Variants in CCDC68 observed in about 807,000 individuals in gnomAD.
The protein encoded by CCDC68 is coiled-coil domain containing 68, also known as coiled-coil domain-containing protein 68.
In CCDC68, 45 loss-of-function variants were observed where a neutral mutation model predicts 47.1. The ratio of observed to expected loss-of-function variants is 0.96; its 90% confidence interval spans 0.75 to 1.23. The LOEUF (loss-of-function observed/expected upper bound fraction) is 1.23, where lower values mean the gene tolerates loss of function less well. CCDC68 is among the 50% of genes most tolerant of loss of function. The pLI is 0.00. For missense variants in CCDC68, 353 were observed against 373.6 expected, an observed-to-expected ratio of 0.94 and a Z score of 0.45; for synonymous variants, 131 against 129.5, an observed-to-expected ratio of 1.01 and a Z score of -0.08.
At chr18:54,953,998 T>TCCCC (rs1568166815) in intron 1 of CCDC68, among the ~76,000 whole-genome samples, 1 of 9,704 alleles carries the variant, frequency 1.0e-4, no homozygotes, top group African/African-American at 3.8e-4. Context: ...CTCCCCTCCC[T>TCCCC]TCCCCTCCCC....
intron 1 of CCDC68, among the ~76,000 whole-genome samples, chr18:54,949,388 A>G (rs562196419): frequency 1.1e-4 from 17 of 152,280 alleles, no homozygotes; most frequent in African/African-American, 4.1e-4. Flanking sequence ...TTTTTGATCT[A>G]AACTTTTTGA....
chr18:54,953,549 T>TAG (rs879342365), intron 1 of CCDC68, among the ~76,000 whole-genome samples: 5,522 of 110,720 alleles, frequency 0.05, 133 homozygotes, highest in Middle Eastern at 0.14. Context: ...CATATATATA[T>TAG]ATAGAGAGAG....
At chr18:54,959,247 C>T (rs1248736862) in intron 1 of CCDC68, 89 bp downstream of exon 1, 1 of 152,344 alleles carries the variant, frequency 6.6e-6, no homozygotes, top group Admixed American at 6.5e-5. Context: ...GGGGAAGCCG[C>T]TGGAAAGGCA....
intron 10 of CCDC68, among the ~76,000 whole-genome samples, chr18:54,910,106 G>A (rs965297668): frequency 6.6e-6 from 1 of 152,210 alleles, no homozygotes; most frequent in African/African-American, 2.4e-5. Context: ...AAACCTGCAG[G>A]GGGCAGCTCC....
intron 3 of CCDC68, 141 bp downstream of exon 3, chr18:54,942,534 A>G (rs925762934): frequency 2.5e-5 from 14 of 563,100 alleles, no homozygotes; most frequent in Non-Finnish European, 4.1e-5. Context: ...TTTAAACTTC[A>G]GCTAGGAAGA....
At chr18:54,953,377 A>G (rs2044651308) in intron 1 of CCDC68, among the ~76,000 whole-genome samples, 1 of 152,222 alleles carries the variant, frequency 6.6e-6, no homozygotes, top group Admixed American at 6.5e-5. Flanking sequence ...AAAGCAATGC[A>G]CAACTGAGAT....
At chr18:54,939,532 A>G (rs1417735726) in intron 4 of CCDC68, among the ~76,000 whole-genome samples, 1 of 152,026 alleles carries the variant, frequency 6.6e-6, no homozygotes, top group Non-Finnish European at 1.5e-5. Context: ...CTAGATCACT[A>G]TGGTGAAATC....
intron 6 of CCDC68, among the ~76,000 whole-genome samples, chr18:54,936,167 A>G (rs1372910070): frequency 6.9e-6 from 1 of 145,284 alleles, no homozygotes; most frequent in African/African-American, 2.5e-5. Flanking sequence ...ATTATATTAG[A>G]TATTATAATT....
intron 8 of CCDC68, among the ~76,000 whole-genome samples, chr18:54,920,510 CAA>C (rs1390733996): frequency 5.9e-5 from 9 of 151,950 alleles, no homozygotes; most frequent in Admixed American, 5.9e-4. Flanking sequence ...ATGTGTATCA[CAA>C]AGATAGCAGA....
chr18:54,954,039 CCTTTCTTT>C (rs201481771), intron 1 of CCDC68, among the ~76,000 whole-genome samples: 4 of 108,348 alleles, frequency 3.7e-5, no homozygotes, highest in East Asian at 6.1e-4. Flanking sequence ...TTCCCTCCTT[CCTTTCTTT>C]CTTTCTTTCT....
At chr18:54,920,433 G>A (rs61115294) in intron 8 of CCDC68, among the ~76,000 whole-genome samples, 25,532 of 151,828 alleles carry the variant, frequency 0.17, 2,207 homozygotes, top group South Asian at 0.22. Flanking sequence ...TAGAGATGGA[G>A]TTTCACCATG....
chr18:54,934,971 G>C, intron 6 of CCDC68, 23 bp from the exon 7 acceptor site: 1 of 1,542,376 alleles, frequency 6.5e-7, no homozygotes, highest in Non-Finnish European at 8.7e-7. Flanking sequence ...AATCAGTTGT[G>C]TTGTGAAAAC....
intron 9 of CCDC68, 139 bp downstream of exon 9, chr18:54,919,130 CAT>C: frequency 1.5e-6 from 1 of 651,450 alleles, no homozygotes; most frequent in African/African-American, 1.8e-5. Flanking sequence ...AAAACAGAGA[CAT>C]ATTGCATGAG....
rs1006275797 is a variant in CCDC68 at position 54,904,419 on chromosome 18, T to A, written c.951-4A>T. On this transcript the variant is annotated splice_region_variant and splice_polypyrimidine_tract_variant and intron_variant, in intron 11 of 11. Transcript: ENST00000591504. ...AACACCTTCGGTCTTCAATTCACTGTAGAAAAGACAACACGATGATCAAAA... is the reference window on the plus strand; with the variant it reads ...AACACCTTCGGTCTTCAATTCACTGAAGAAAAGACAACACGATGATCAAAA... 2.5e-6 allele frequency: 4 copies of A among 1,611,604 alleles called. No homozygotes were observed. The highest frequency in any genetic ancestry group is 3.4e-6 in the Non-Finnish European group (4 of 1,177,882).
In CCDC68 at chr18:54,928,671, A is replaced by G. The variant is rs988937743; in HGVS notation, c.683+129T>C. On this transcript the variant is annotated intron_variant, in intron 8 of 11. Coordinates refer to ENST00000591504, the MANE Select transcript of CCDC68 (RefSeq NM_025214.3). ...CATGACTGTTAATCCCAAGAATTCAACCTTCCTCCTGCACTGTCAGTCATC... is the reference window on the plus strand; with the variant it reads ...CATGACTGTTAATCCCAAGAATTCAGCCTTCCTCCTGCACTGTCAGTCATC... 8 of 638,946 alleles carry G rather than the reference A, an allele frequency of 1.3e-5. 1 individual carries two copies. The highest frequency in any genetic ancestry group is 3.7e-5 in the African/African-American group (2 of 54,248). 39.6% of individuals were successfully genotyped at this position (638,946 alleles called of 1,614,324 possible).
intron 1 of CCDC68, among the ~76,000 whole-genome samples, chr18:54,953,498 T>C (rs1488486432): frequency 8.1e-6 from 1 of 123,714 alleles, no homozygotes; most frequent in African/African-American, 3.2e-5. Context: ...GTGTAAATGA[T>C]TATATATATA....
At chr18:54,935,336 T>C (rs1040751317) in intron 6 of CCDC68, among the ~76,000 whole-genome samples, 2 of 152,162 alleles carry the variant, frequency 1.3e-5, no homozygotes, top group African/African-American at 4.8e-5. Context: ...GAAAGTGTCA[T>C]AAAAGCAGAA....
intron 8 of CCDC68, among the ~76,000 whole-genome samples, chr18:54,928,108 G>T (rs1452689456): frequency 6.6e-6 from 1 of 152,152 alleles, no homozygotes; most frequent in Non-Finnish European, 1.5e-5. Flanking sequence ...AACATACAAT[G>T]ACTGTGTTGG....
At chr18:54,936,785 C>T (rs776725549) in intron 6 of CCDC68, 48 bp downstream of exon 6, 1 of 1,610,780 alleles carries the variant, frequency 6.2e-7, no homozygotes, top group Non-Finnish European at 8.5e-7. Flanking sequence ...ACTTCAACAG[C>T]TCAGGGTGGG....
Sources: gnomAD v4.1 joint callset for allele counts (sites outside exome capture counted in the v4.1 genomes callset) on GRCh38, gnomAD v4.1.1 for gene constraint, MANE v1.5 for transcripts, NCBI Gene and HGNC (gene_info 2026-07-23, HGNC 2026-07-21) for gene names.